The following NRXN1 variants were observed in gnomAD, a reference collection of about 807,000 sequenced individuals.
NRXN1 encodes neurexin-1.
In NRXN1, 39 loss-of-function variants were observed where a neutral mutation model predicts 150.9. That is an observed-to-expected ratio of 0.26 (90% CI 0.20 to 0.34). The LOEUF is 0.34. Among genes scored for constraint, NRXN1 ranks in the 10% least tolerant of loss-of-function variants. NRXN1 has a pLI of 1.00. For missense variants in NRXN1, 1,815 were observed against 1,949.9 expected, an observed-to-expected ratio of 0.93 and a Z score of 1.30; for synonymous variants, 924 against 757.0, an observed-to-expected ratio of 1.22 and a Z score of -3.62.
At chr2:50,508,161 T>C (rs963901945) in intron 12 of NRXN1, among the ~76,000 whole-genome samples, 7 of 152,212 alleles carry the variant, frequency 4.6e-5, no homozygotes, top group Non-Finnish European at 8.8e-5. Context: ...AAGTGTTGTA[T>C]CCTTGGCTGG....
At chr2:50,508,448 A>C (rs994927652) in intron 12 of NRXN1, among the ~76,000 whole-genome samples, 3 of 152,046 alleles carry the variant, frequency 2.0e-5, no homozygotes, top group African/African-American at 4.8e-5. Flanking sequence ...TTCAATAGTG[A>C]AGAAAGAAGT....
chr2:50,179,510 T>C (rs1197786364), intron 18 of NRXN1, among the ~76,000 whole-genome samples: 1 of 152,108 alleles, frequency 6.6e-6, no homozygotes, highest in Non-Finnish European at 1.5e-5. Context: ...TTTTTCCCCA[T>C]CCCTTCTCTA....
chr2:50,638,597 G>A (rs150511316), intron 5 of NRXN1, among the ~76,000 whole-genome samples: 170 of 152,210 alleles, frequency 1.1e-3, no homozygotes, highest in Middle Eastern at 6.8e-3. Flanking sequence ...CAGAGTGAGC[G>A]TTCTCTGGTC....
At chr2:50,187,156 T>G (rs977949635) in intron 18 of NRXN1, among the ~76,000 whole-genome samples, 1 of 152,036 alleles carries the variant, frequency 6.6e-6, no homozygotes, top group South Asian at 2.1e-4. Context: ...TGCAACTGTA[T>G]AGCATAAAGG....
intron 22 of NRXN1, among the ~76,000 whole-genome samples, chr2:49,940,770 A>T (rs1314189456): frequency 1.3e-5 from 2 of 152,244 alleles, no homozygotes; most frequent in African/African-American, 4.8e-5. Context: ...AAGCTAATGT[A>T]GAAAGAGATT....
intron 18 of NRXN1, among the ~76,000 whole-genome samples, chr2:50,123,081 A>T (rs1007766113): frequency 6.6e-6 from 1 of 152,214 alleles, no homozygotes; most frequent in Non-Finnish European, 1.5e-5. Flanking sequence ...TTTACCAATG[A>T]GTACCTTTGA....
At chr2:50,286,615 T>C (rs921773914) in intron 17 of NRXN1, among the ~76,000 whole-genome samples, 7 of 152,080 alleles carry the variant, frequency 4.6e-5, no homozygotes, top group African/African-American at 1.4e-4. Context: ...AGATATTATG[T>C]GAAGAGGTAG....
Position 50,296,178 on chromosome 2 carries a change from T to C in NRXN1, c.3365-59208A>G, listed in dbSNP as rs2073536485. On this transcript the variant is annotated intron_variant, in intron 17 of 22. Coordinates refer to ENST00000401669, the MANE Select transcript of NRXN1 (RefSeq NM_001330078.2). The stretch of plus-strand genomic sequence containing the variant: ...ATAAGTAATCATTTTAGATAAATTA[T>C]AGATTGATTACATTTAATTACAGAA... Among the ~76,000 whole-genome samples the C allele has an allele frequency of 7.2e-5, 11 of 152,288 alleles. No individual in the cohort carries two copies. The South Asian group carries it at 2.3e-3, about 32-fold the overall frequency.
intron 18 of NRXN1, among the ~76,000 whole-genome samples, chr2:50,110,027 G>C (rs1396560681): frequency 6.6e-6 from 1 of 152,142 alleles, no homozygotes; most frequent in Non-Finnish European, 1.5e-5. Context: ...TGTTTACTAT[G>C]TAAGAGGAAA....
intron 17 of NRXN1, among the ~76,000 whole-genome samples, chr2:50,304,762 G>A (rs2074460191): frequency 6.6e-6 from 1 of 152,060 alleles, no homozygotes; most frequent in Non-Finnish European, 1.5e-5. Flanking sequence ...AGTGTTCAAT[G>A]CATGCTAAAT....
intron 5 of NRXN1, among the ~76,000 whole-genome samples, chr2:50,816,606 T>G (rs568234488): frequency 6.6e-5 from 10 of 152,238 alleles, no homozygotes; most frequent in Non-Finnish European, 1.3e-4. Flanking sequence ...GATTGTTTGG[T>G]TCATGAGGTG....
intron 21 of NRXN1, among the ~76,000 whole-genome samples, chr2:49,958,767 C>T (rs1207865829): frequency 6.6e-6 from 1 of 152,106 alleles, no homozygotes; most frequent in Non-Finnish European, 1.5e-5. Flanking sequence ...ACCCAAGTTG[C>T]TCGTTTACTT....
chr2:50,636,215 T>C (rs1008088300), intron 5 of NRXN1, among the ~76,000 whole-genome samples: 7 of 152,218 alleles, frequency 4.6e-5, no homozygotes, highest in African/African-American at 1.7e-4. Context: ...TGTGCCTGAG[T>C]AACTTACAAA....
At chr2:50,589,494 C>A (rs1673765893) in intron 8 of NRXN1, 1 of 139,562 alleles carries the variant, frequency 7.2e-6, no homozygotes, top group Non-Finnish European at 1.6e-5. Flanking sequence ...GTAGCTAGGA[C>A]CACAGGTGTG....
At position 50,207,926 on chromosome 2, in the gene NRXN1, T is replaced by C. The variant is rs7559336; in HGVS notation, c.3546+28863A>G. Among the ~76,000 whole-genome samples, 425 of 152,198 alleles carry C rather than the reference T, an allele frequency of 2.8e-3. 1 individual carries two copies. Among genetic ancestry groups the C allele is most frequent in the African/African-American group, 9.7e-3 (404 of 41,554 alleles). ...GGAGGGACACAAGCCTAGGTTGGTA[T>C]ATGGTTTGAAGACCTGCTTTTCCCC... On this transcript the variant is annotated intron_variant, in intron 18 of 22. Coordinates refer to ENST00000401669, the MANE Select transcript of NRXN1 (RefSeq NM_001330078.2).
At chr2:50,535,708 A>T (rs1388045869) in intron 10 of NRXN1, among the ~76,000 whole-genome samples, 1 of 152,258 alleles carries the variant, frequency 6.6e-6, no homozygotes, top group East Asian at 1.9e-4. Context: ...AATACATGTA[A>T]AACAAAATAC....
intron 22 of NRXN1, 122 bp from the exon 23 acceptor site, chr2:49,922,373 T>C: frequency 1.0e-6 from 1 of 990,810 alleles, no homozygotes; most frequent in Non-Finnish European, 1.5e-6. Flanking sequence ...AGGTATGCTA[T>C]TGATAAATGT....
At chr2:50,247,402 C>T (rs1208906874) in intron 17 of NRXN1, among the ~76,000 whole-genome samples, 1 of 152,038 alleles carries the variant, frequency 6.6e-6, no homozygotes, top group Non-Finnish European at 1.5e-5. Flanking sequence ...TATTAATACT[C>T]AGAGAAATCT....
chr2:50,962,454 C>G (rs1693355136), intron 2 of NRXN1, among the ~76,000 whole-genome samples: 1 of 151,608 alleles, frequency 6.6e-6, no homozygotes, highest in African/African-American at 2.4e-5. Context: ...TTAAACCTGG[C>G]CTCCACACAT....
Sources: gnomAD v4.1 joint callset for allele counts (sites outside exome capture counted in the v4.1 genomes callset) on GRCh38, gnomAD v4.1.1 for gene constraint, MANE v1.5 for transcripts, NCBI Gene and HGNC (gene_info 2026-07-23, HGNC 2026-07-21) for gene names.